Variants in TEKT5 observed in about 807,000 individuals in gnomAD.
The protein encoded by TEKT5 is tektin-5.
Under a neutral mutation model 48.7 loss-of-function variants are expected in TEKT5, and 52 were observed. That is an observed-to-expected ratio of 1.07 (90% CI 0.86 to 1.35). The LOEUF (loss-of-function observed/expected upper bound fraction) is 1.35. Ranked by LOEUF, TEKT5 falls within the 40% of genes most tolerant of loss-of-function variation. The probability of loss-of-function intolerance (pLI) is 0.00; values close to 1 mark genes in which losing one functional copy is unlikely to be tolerated. For synonymous variants in TEKT5, 318 were observed against 267.6 expected (o/e 1.19, Z -1.84); for missense variants, 831 against 641.6 (o/e 1.30, Z -3.19).
chr16:10,680,502 C>G (rs1305264466), intron 4 of TEKT5, among the ~76,000 whole-genome samples: 2 of 151,352 alleles, frequency 1.3e-5, no homozygotes, highest in African/African-American at 4.9e-5. Context: ...AAGATAGACT[C>G]CACCCTCTTT....
rs762994674 is a variant in TEKT5 at position 10,679,875 on chromosome 16, C to A, written c.863+2118G>T. ...TCGCACCATTGCCCTCCAGCCTGGGCAACAAGAGCGAAACTCGGTCTCAAA... is the reference window on the plus strand; with the variant it reads ...TCGCACCATTGCCCTCCAGCCTGGGAAACAAGAGCGAAACTCGGTCTCAAA... On this transcript the variant is annotated intron_variant, in intron 4 of 6. Transcript: ENST00000283025. Among the ~76,000 whole-genome samples, 3 of 132,792 alleles carry A rather than the reference C, an allele frequency of 2.3e-5. No homozygotes were observed. The South Asian group carries it at 7.9e-4, about 35-fold the overall frequency. 87.1% of individuals were successfully genotyped at this position (132,792 alleles called of 152,430 possible).
Position 10,656,086 on chromosome 16 carries a change from G to A in TEKT5, c.1086+19873C>T, listed in dbSNP as rs143707304. ...TTTGATAAAATTTGTGGAGGAGACC[G>A]TCCTGTGCATTGAAGGATGTTTAGT... is the stretch of plus-strand genomic sequence containing the variant. On this transcript the variant is annotated intron_variant, in intron 5 of 6. Transcript: ENST00000283025. 2.3e-3 allele frequency among the ~76,000 whole-genome samples: 356 copies of A among 152,178 alleles called. 3 individuals carry two copies. Among genetic ancestry groups the A allele is most frequent in the African/African-American group, 8.0e-3 (331 of 41,524 alleles).
intron 5 of TEKT5, among the ~76,000 whole-genome samples, chr16:10,640,097 T>C (rs1897971936): frequency 7.1e-6 from 1 of 140,458 alleles, no homozygotes; most frequent in Non-Finnish European, 1.5e-5. Context: ...CTTCCTTCCC[T>C]CTCCCCTCCT....
intron 5 of TEKT5, among the ~76,000 whole-genome samples, chr16:10,673,260 A>C (rs1898580552): frequency 6.6e-6 from 1 of 152,182 alleles, no homozygotes; most frequent in South Asian, 2.1e-4. Flanking sequence ...GGGGTTGTCA[A>C]AACTACAACC....
chr16:10,650,211 AAGTAGCTGGGATTAC>A (rs1211319164), intron 5 of TEKT5, among the ~76,000 whole-genome samples: 11 of 151,774 alleles, frequency 7.2e-5, no homozygotes, highest in African/African-American at 1.7e-4. Flanking sequence ...TGTGTGCGAC[AAGTAGCTGGGATTAC>A]AGTAGCTGGG....
intron 3 of TEKT5, among the ~76,000 whole-genome samples, chr16:10,682,765 A>T (rs113024923): frequency 2.0e-5 from 3 of 152,350 alleles, no homozygotes; most frequent in African/African-American, 7.2e-5. Context: ...ATATGTAAAA[A>T]TCCATGTGGC....
chr16:10,648,195 ATTTATCAAGAG>A (rs2142271041), intron 5 of TEKT5, among the ~76,000 whole-genome samples: 1 of 152,344 alleles, frequency 6.6e-6, no homozygotes, highest in African/African-American at 2.4e-5. Context: ...ACACACAACC[ATTTATCAAGAG>A]TTTACTCCAG....
At chr16:10,671,988 A>T (rs569629166) in intron 5 of TEKT5, among the ~76,000 whole-genome samples, 2 of 152,284 alleles carry the variant, frequency 1.3e-5, no homozygotes, top group African/African-American at 4.8e-5. Context: ...GCCAAATGAT[A>T]TTACCATGGA....
chr16:10,636,934 AGTC>A (rs1567224590), intron 5 of TEKT5, among the ~76,000 whole-genome samples: 1 of 149,744 alleles, frequency 6.7e-6, no homozygotes, highest in African/African-American at 2.5e-5. Flanking sequence ...CTCCTGCCTC[AGTC>A]TCCCAAGTAG....
chr16:10,686,341 C>T (rs1198270663), intron 3 of TEKT5, among the ~76,000 whole-genome samples: 1 of 152,028 alleles, frequency 6.6e-6, no homozygotes, highest in Non-Finnish European at 1.5e-5. Context: ...CATGTAACCC[C>T]TGCTACTCAG....
At chr16:10,652,936 T>C (rs1898194712) in intron 5 of TEKT5, among the ~76,000 whole-genome samples, 1 of 121,464 alleles carries the variant, frequency 8.2e-6, no homozygotes, top group Non-Finnish European at 1.7e-5. Context: ...ACCCTCCCTC[T>C]CCAGGTCAGG....
intron 2 of TEKT5, 147 bp downstream of exon 2, chr16:10,689,794 TA>T: frequency 1.4e-6 from 1 of 698,918 alleles, no homozygotes; most frequent in Non-Finnish European, 2.4e-6. Context: ...AATTGCAAAC[TA>T]GACCTCCACC....
chr16:10,667,417 A>G (rs779065692), intron 5 of TEKT5, among the ~76,000 whole-genome samples: 16 of 152,210 alleles, frequency 1.1e-4, no homozygotes, highest in Non-Finnish European at 2.2e-4. Flanking sequence ...AACTGTTCAA[A>G]TCATGTTCAA....
At chr16:10,688,122 G>A (rs941725752) in intron 3 of TEKT5, among the ~76,000 whole-genome samples, 1 of 152,170 alleles carries the variant, frequency 6.6e-6, no homozygotes, top group Non-Finnish European at 1.5e-5. Context: ...GTGATAGGTG[G>A]AATTGTGAGA....
intron 5 of TEKT5, among the ~76,000 whole-genome samples, chr16:10,636,276 G>A (rs1234558981): frequency 2.6e-5 from 4 of 152,016 alleles, no homozygotes; most frequent in East Asian, 1.9e-4. Context: ...TCGGGGGACC[G>A]AGGCAGGAGA....
Position 10,630,403 on chromosome 16 carries a change from T to C in TEKT5, c.1242-2604A>G, listed in dbSNP as rs555777778. 2.6e-4 allele frequency among the ~76,000 whole-genome samples: 40 copies of C among 151,750 alleles called. No individual in the cohort carries two copies. In the South Asian group the frequency reaches 8.3e-3, roughly 31 times the overall value. ...GGCAGGCACCACCACACCTGGCTAA[T>C]TAAAAAAAAAAGTTTTTATAGAGAT... On this transcript the variant is annotated intron_variant, in intron 6 of 6. Coordinates refer to ENST00000283025, the MANE Select transcript of TEKT5 (RefSeq NM_144674.2).
intron 6 of TEKT5, among the ~76,000 whole-genome samples, chr16:10,634,489 C>T (rs979450157): frequency 6.6e-6 from 1 of 152,162 alleles, no homozygotes; most frequent in Non-Finnish European, 1.5e-5. Flanking sequence ...TGGGGCCAGA[C>T]TCAGTCTCTT....
chr16:10,651,417 GCT>G (rs1307292030), intron 5 of TEKT5, among the ~76,000 whole-genome samples: 1 of 152,142 alleles, frequency 6.6e-6, no homozygotes, highest in Non-Finnish European at 1.5e-5. Context: ...TCAAAAGCAA[GCT>G]TTTCCTTTGG....
intron 5 of TEKT5, among the ~76,000 whole-genome samples, chr16:10,650,502 T>C (rs1898137551): frequency 6.6e-6 from 1 of 151,994 alleles, no homozygotes; most frequent in African/African-American, 2.4e-5. Flanking sequence ...CCCATGTGGG[T>C]GTGCACTCTG....
Sources: gnomAD v4.1 joint callset for allele counts (sites outside exome capture counted in the v4.1 genomes callset) on GRCh38, gnomAD v4.1.1 for gene constraint, MANE v1.5 for transcripts, NCBI Gene and HGNC (gene_info 2026-07-23, HGNC 2026-07-21) for gene names.